TBC1D12: variants seen among roughly 807,000 people sequenced by gnomAD.
TBC1D12 encodes the protein TBC1 domain family, member 12.
In TBC1D12, 56 loss-of-function variants were observed where a neutral mutation model predicts 86.7. The observed-to-expected ratio is 0.65, with a 90% confidence interval of 0.52 to 0.81. The LOEUF is 0.81. TBC1D12 is among the 30% of genes least tolerant of loss of function. The probability of loss-of-function intolerance (pLI) is 0.00; values close to 1 mark genes in which losing one functional copy is unlikely to be tolerated. For missense variants in TBC1D12, 1,023 were observed against 1,038.8 expected, an observed-to-expected ratio of 0.98 and a Z score of 0.21; for synonymous variants, 421 against 411.7, an observed-to-expected ratio of 1.02 and a Z score of -0.27.
Position 94,493,430 on chromosome 10 carries a change from C to T in TBC1D12, c.1277C>T (p.Ala426Val), listed in dbSNP as rs2056272757. 6.2e-7 allele frequency: 1 copy of T among 1,611,508 alleles called. No homozygotes were observed. Among genetic ancestry groups the T allele is most frequent in the Non-Finnish European group, 8.5e-7 (1 of 1,179,204 alleles). ...CGACAAGAATACGATGAGATGGTGG[C>T]TGAGGCTAAAAAACGAGGTATAAAA... ...RHRQEYDEMV[A>V]EAKKREIKEA... Residue 426 changes from alanine to valine, a missense_variant, in exon 4 of 13, where the codon GCT (alanine) becomes GTT (valine). By Grantham distance (64) the Ala-to-Val change is moderately conservative. Transcript: ENST00000225235.
At chr10:94,432,885 T>C (rs1372888648) in intron 1 of TBC1D12, among the ~76,000 whole-genome samples, 4 of 152,156 alleles carry the variant, frequency 2.6e-5, no homozygotes, top group African/African-American at 7.2e-5. Context: ...TAGTATTTCT[T>C]GGAGTTAATT....
intron 1 of TBC1D12, among the ~76,000 whole-genome samples, chr10:94,440,913 G>A (rs1019274439): frequency 3.3e-5 from 5 of 152,086 alleles, no homozygotes; most frequent in East Asian, 1.9e-4. Context: ...GCAATGAGGC[G>A]GTCTCGGCTC....
chr10:94,442,083 T>A, intron 2 of TBC1D12, 64 bp downstream of exon 2: 32 of 71,030 alleles, frequency 4.5e-4, no homozygotes, highest in South Asian at 8.4e-4. Flanking sequence ...CTTCTTCTTC[T>A]TTTTTTTTTT....
At chr10:94,508,317 A>G (rs1217247862) in intron 7 of TBC1D12, 1 of 151,766 alleles carries the variant, frequency 6.6e-6, no homozygotes, top group African/African-American at 2.4e-5. Context: ...TTCATCATAT[A>G]GGGATGGGGT....
At position 94,532,596 on chromosome 10, in the gene TBC1D12, T is replaced by G. The variant is rs1195364733; in HGVS notation, c.2260-432T>G. 2.6e-5 allele frequency among the ~76,000 whole-genome samples: 4 copies of G among 152,320 alleles called. No homozygotes were observed. The East Asian group carries it at 7.7e-4, about 29-fold the overall frequency. On this transcript the variant is annotated intron_variant, in intron 12 of 12. Coordinates refer to ENST00000225235, the MANE Select transcript of TBC1D12 (RefSeq NM_015188.2). ...TCAAATAGACAACAATTTTATTATA[T>G]TAAATACCTACTGTGTACTAGGGTT...
At chr10:94,420,502 C>T (rs2055059429) in intron 1 of TBC1D12, among the ~76,000 whole-genome samples, 1 of 152,194 alleles carries the variant, frequency 6.6e-6, no homozygotes, top group Non-Finnish European at 1.5e-5. Flanking sequence ...CAAAAAGAAG[C>T]TCTGTACTCA....
At chr10:94,429,936 A>G (rs901509008) in intron 1 of TBC1D12, among the ~76,000 whole-genome samples, 2 of 152,068 alleles carry the variant, frequency 1.3e-5, no homozygotes, top group African/African-American at 4.8e-5. Context: ...GGGTTTTGCC[A>G]TGTTGCCCAG....
chr10:94,403,007 G>A lies in TBC1D12; in HGVS notation c.394G>A (p.Gly132Ser), dbSNP rs2054790804. The A allele has an allele frequency of 6.3e-7, 1 of 1,575,938 alleles. No homozygotes were observed. Among genetic ancestry groups the A allele is most frequent in the Non-Finnish European group, 8.6e-7 (1 of 1,165,246 alleles). The change falls in exon 1 of 13, where the codon GGC (glycine) becomes AGC (serine). Residue 132 changes from glycine to serine, a missense_variant. Gly to Ser is a moderately conservative substitution (Grantham distance 56, BLOSUM62 0). This residue lies in a region of TBC1D12 where 628 missense variants were observed against 531.1 expected (regional missense o/e 1.18). Coordinates refer to ENST00000225235, the MANE Select transcript of TBC1D12 (RefSeq NM_015188.2). Reference protein sequence around the residue: ...VADGRAPRHEGMTNGDSGFLP... With the variant: ...VADGRAPRHESMTNGDSGFLP... ...TGATGGCCGCGCGCCGCGGCACGAA[G>A]GCATGACCAACGGCGACTCGGGTTT...
In TBC1D12 at chr10:94,536,306, C is replaced by G. The variant is rs920361432; in HGVS notation, c.*3210C>G. Among the ~76,000 whole-genome samples the G allele has an allele frequency of 6.6e-6, 1 of 151,432 alleles. No individual in the cohort carries two copies. The highest frequency in any genetic ancestry group is 2.4e-5 in the African/African-American group (1 of 41,232). ...TTTCTTACTTAATGTTCCTTTAGTC[C>G]AGGTCTACAATGCCTTATTTAAATG... On this transcript the variant is annotated 3_prime_UTR_variant, in exon 13 of 13. Transcript: ENST00000225235.
intron 2 of TBC1D12, among the ~76,000 whole-genome samples, chr10:94,457,573 C>G (rs1273730665): frequency 1.3e-5 from 2 of 152,178 alleles, no homozygotes; most frequent in East Asian, 3.8e-4. Context: ...AGCCACCATG[C>G]TTGGCCTCTC....
intron 1 of TBC1D12, among the ~76,000 whole-genome samples, chr10:94,414,600 CTT>C (rs71031575): frequency 3.0e-5 from 4 of 134,982 alleles, no homozygotes; most frequent in Non-Finnish European, 3.1e-5. Context: ...TACTGTGAAA[CTT>C]TTTTTTTTTT....
intron 1 of TBC1D12, among the ~76,000 whole-genome samples, chr10:94,419,527 G>A (rs1217706372): frequency 1.3e-5 from 2 of 152,090 alleles, no homozygotes; most frequent in Non-Finnish European, 2.9e-5. Context: ...AGAAAAATTA[G>A]CTGGACGTGG....
At chr10:94,417,315 C>G (rs1220143810) in intron 1 of TBC1D12, among the ~76,000 whole-genome samples, 1 of 152,156 alleles carries the variant, frequency 6.6e-6, no homozygotes, top group African/African-American at 2.4e-5. Flanking sequence ...ATAAATCTTT[C>G]AATCTCTGCA....
chr10:94,496,429 C>T (rs2056322231), intron 4 of TBC1D12, among the ~76,000 whole-genome samples: 1 of 151,924 alleles, frequency 6.6e-6, no homozygotes. Context: ...AGTGAAACAC[C>T]ATATTAAAAA....
intron 3 of TBC1D12, among the ~76,000 whole-genome samples, chr10:94,489,880 G>A (rs1379168181): frequency 6.6e-6 from 1 of 152,130 alleles, no homozygotes; most frequent in African/African-American, 2.4e-5. Flanking sequence ...CCAAAACAAT[G>A]AGAATAGTAA....
At chr10:94,492,870 A>C (rs534812463) in intron 3 of TBC1D12, among the ~76,000 whole-genome samples, 1 of 152,318 alleles carries the variant, frequency 6.6e-6, no homozygotes, top group African/African-American at 2.4e-5. Context: ...AAATATGTTT[A>C]TTCATTTTAT....
rs1444521054 is a variant in TBC1D12 at position 94,475,411 on chromosome 10, G to T, written c.1211+628G>T. Among the ~76,000 whole-genome samples the T allele has an allele frequency of 2.0e-5, 3 of 152,024 alleles. No individual in the cohort carries two copies. The East Asian group carries it at 5.8e-4, about 29-fold the overall frequency. On this transcript the variant is annotated intron_variant, in intron 3 of 12. Transcript: ENST00000225235. Reference sequence around the variant, plus strand: ...ATACATTTCTTATTTATTTATGTTTGTTTGTTTTGTTTTATTTATTTTTAA... The same window carrying T: ...ATACATTTCTTATTTATTTATGTTTTTTTGTTTTGTTTTATTTATTTTTAA...
intron 5 of TBC1D12, among the ~76,000 whole-genome samples, chr10:94,498,730 A>G (rs530548974): frequency 2.7e-4 from 41 of 151,338 alleles, no homozygotes; most frequent in Non-Finnish European, 4.6e-4. Context: ...TGCTGGAATT[A>G]TAGGTGTGAG....
intron 1 of TBC1D12, among the ~76,000 whole-genome samples, chr10:94,403,932 A>G (rs2054813446): frequency 1.3e-5 from 2 of 152,242 alleles, no homozygotes; most frequent in Admixed American, 6.5e-5. Context: ...GGAAAAGCAG[A>G]TAACCATCTC....
Sources: gnomAD v4.1 joint callset for allele counts (sites outside exome capture counted in the v4.1 genomes callset) on GRCh38, gnomAD v4.1.1 for gene constraint, gnomAD v4.1.1 regional missense constraint, MANE v1.5 for transcripts, NCBI Gene and HGNC (gene_info 2026-07-23, HGNC 2026-07-21) for gene names.